Variants in TENM3 observed in about 807,000 individuals in gnomAD.
TENM3 encodes the protein teneurin-3.
A neutral mutation model predicts 255.1 loss-of-function variants in TENM3; 63 were observed. That is an observed-to-expected ratio of 0.25 (90% confidence interval 0.20 to 0.30). TENM3 has a LOEUF of 0.30. TENM3 is among the 10% of genes least tolerant of loss of function. TENM3 has a pLI of 1.00. For synonymous variants in TENM3, 1,306 were observed against 1,322.3 expected (o/e 0.99, Z 0.27); for missense variants, 2,929 against 3,461.1 (o/e 0.85, Z 3.86).
the TENM3 span, among the ~76,000 whole-genome samples, chr4:181,935,354 C>G: frequency 6.6e-6 from 1 of 152,208 alleles, no homozygotes; most frequent in Admixed American, 6.5e-5. Flanking sequence ...CCACCTTAAG[C>G]TCTGAGCTCT....
At chr4:181,707,322 T>C in the TENM3 span, among the ~76,000 whole-genome samples, 1 of 152,186 alleles carries the variant, frequency 6.6e-6, no homozygotes, top group Admixed American at 6.5e-5. Context: ...GGCCCATTTT[T>C]CTCTCTAAAT....
chr4:181,685,969 A>G, the TENM3 span, among the ~76,000 whole-genome samples: 1 of 152,298 alleles, frequency 6.6e-6, no homozygotes, highest in Admixed American at 6.5e-5. Context: ...TTGTTCTGAC[A>G]TTTTAGCCAT....
the TENM3 span, among the ~76,000 whole-genome samples, chr4:181,957,822 C>T: frequency 3.9e-5 from 6 of 152,152 alleles, no homozygotes; most frequent in East Asian, 1.2e-3. Flanking sequence ...ATGAAGTCAA[C>T]CTTGTGGCTC....
At chr4:182,162,191 A>C (rs1350844413) in intron 1 of TENM3, among the ~76,000 whole-genome samples, 1 of 151,834 alleles carries the variant, frequency 6.6e-6, no homozygotes, top group Non-Finnish European at 1.5e-5. Context: ...GAATTTCTTA[A>C]TATTTTGCTG....
At chr4:182,154,732 G>A (rs1419974333) in intron 1 of TENM3, among the ~76,000 whole-genome samples, 3 of 152,102 alleles carry the variant, frequency 2.0e-5, no homozygotes, top group Non-Finnish European at 1.5e-5. Flanking sequence ...AATATTGAAA[G>A]CAACTTGAGA....
intron 3 of TENM3, among the ~76,000 whole-genome samples, chr4:182,415,520 A>G (rs1021300542): frequency 6.6e-6 from 1 of 152,158 alleles, no homozygotes; most frequent in Non-Finnish European, 1.5e-5. Context: ...CAGCTCTTAC[A>G]TATTCATTTA....
chr4:181,914,001 C>A, the TENM3 span, among the ~76,000 whole-genome samples: 1 of 152,192 alleles, frequency 6.6e-6, no homozygotes, highest in African/African-American at 2.4e-5. Flanking sequence ...CAAATCGCAT[C>A]TTAGCCTTGT....
chr4:182,070,009 G>A, the TENM3 span, among the ~76,000 whole-genome samples: 1 of 152,166 alleles, frequency 6.6e-6, no homozygotes, highest in Non-Finnish European at 1.5e-5. Flanking sequence ...ATAAGAGTTT[G>A]TAAAGAGAAG....
the TENM3 span, among the ~76,000 whole-genome samples, chr4:181,672,072 C>T: frequency 6.6e-6 from 1 of 152,138 alleles, no homozygotes; most frequent in Non-Finnish European, 1.5e-5. Flanking sequence ...AGGTCAATAA[C>T]CACGTTTGCA....
At chr4:181,557,344 A>G in the TENM3 span, among the ~76,000 whole-genome samples, 1 of 152,148 alleles carries the variant, frequency 6.6e-6, no homozygotes. Context: ...CCTACTTTGC[A>G]GTTGCGTTAT....
intron 3 of TENM3, among the ~76,000 whole-genome samples, chr4:182,418,201 T>C (rs572501158): frequency 6.6e-6 from 1 of 151,946 alleles, no homozygotes; most frequent in East Asian, 1.9e-4. Context: ...ATATTGCAGG[T>C]TGAGATTGTT....
chr4:181,909,521 C>T, the TENM3 span, among the ~76,000 whole-genome samples: 3 of 152,162 alleles, frequency 2.0e-5, no homozygotes, highest in East Asian at 1.9e-4. Flanking sequence ...AGGGGGCAGA[C>T]GTGGTGACTC....
At chr4:181,493,479 C>A in the TENM3 span, among the ~76,000 whole-genome samples, 8 of 151,832 alleles carry the variant, frequency 5.3e-5, no homozygotes, top group African/African-American at 1.7e-4. Context: ...ACCTGTAATC[C>A]CAGCACTTTG....
At chr4:182,517,997 C>T (rs1738176945) in intron 3 of TENM3, among the ~76,000 whole-genome samples, 2 of 152,040 alleles carry the variant, frequency 1.3e-5, no homozygotes, top group South Asian at 4.1e-4. Flanking sequence ...AACACCACTA[C>T]TTGATGAAGA....
At chr4:181,637,246 A>T in the TENM3 span, among the ~76,000 whole-genome samples, 3 of 152,182 alleles carry the variant, frequency 2.0e-5, no homozygotes, top group African/African-American at 7.2e-5. Context: ...TCAGTGTCTT[A>T]TCAAAATAGA....
the TENM3 span, among the ~76,000 whole-genome samples, chr4:181,989,872 G>T: frequency 6.6e-6 from 1 of 152,118 alleles, no homozygotes; most frequent in Non-Finnish European, 1.5e-5. Context: ...GTCTTAATTA[G>T]ATATAGTGTA....
At chr4:182,255,766 A>T (rs1229937621) in intron 1 of TENM3, among the ~76,000 whole-genome samples, 1 of 152,218 alleles carries the variant, frequency 6.6e-6, no homozygotes, top group African/African-American at 2.4e-5. Context: ...GATCAAGACT[A>T]GTTCTTTCAC....
intron 3 of TENM3, among the ~76,000 whole-genome samples, chr4:182,495,158 G>T (rs1227447949): frequency 6.6e-6 from 1 of 152,206 alleles, no homozygotes; most frequent in Non-Finnish European, 1.5e-5. Flanking sequence ...AAGATGCTCA[G>T]ATGCGCGAGC....
chr4:182,560,710 G>A (rs1226470636), intron 3 of TENM3, among the ~76,000 whole-genome samples: 4 of 152,154 alleles, frequency 2.6e-5, no homozygotes, highest in Non-Finnish European at 4.4e-5. Flanking sequence ...ATAGCACCAC[G>A]TCTATAGCAG....
Sources: allele counts gnomAD v4.1 joint callset (sites outside exome capture counted in the v4.1 genomes callset), GRCh38; gene constraint gnomAD v4.1.1; transcripts MANE v1.5; gene names NCBI Gene and HGNC (gene_info 2026-07-23, HGNC 2026-07-21).